The following NAALADL2 variants were observed in gnomAD, a reference collection of about 807,000 sequenced individuals.
The protein encoded by NAALADL2 is N-acetylated alpha-linked acidic dipeptidase like 2, also known as inactive N-acetylated-alpha-linked acidic dipeptidase-like protein 2.
In NAALADL2, 76 loss-of-function variants were observed where a neutral mutation model predicts 87.2. The ratio of observed to expected loss-of-function variants is 0.87; its 90% CI spans 0.72 to 1.05. The LOEUF is 1.05. Among genes scored for constraint, NAALADL2 ranks in the 50% least tolerant of loss-of-function variants. The probability of loss-of-function intolerance (pLI) is 0.00; values close to 1 mark genes in which losing one functional copy is unlikely to be tolerated. For missense variants in NAALADL2, 1,089 were observed against 945.8 expected (o/e 1.15, Z -1.99); for synonymous variants, 354 against 331.0 (o/e 1.07, Z -0.75).
At chr3:174,815,776 G>A (rs1720713752) in intron 3 of NAALADL2, among the ~76,000 whole-genome samples, 1 of 146,756 alleles carries the variant, frequency 6.8e-6, no homozygotes, top group African/African-American at 2.5e-5. Flanking sequence ...ATGCCCTTTT[G>A]TCACTGGGAA....
At chr3:175,585,155 A>C (rs1201020838) in intron 10 of NAALADL2, among the ~76,000 whole-genome samples, 1 of 151,608 alleles carries the variant, frequency 6.6e-6, no homozygotes, top group Non-Finnish European at 1.5e-5. Flanking sequence ...TTATTTATTT[A>C]TTTACTTTAA....
chr3:175,237,198 C>A (rs1746057365), intron 3 of NAALADL2, among the ~76,000 whole-genome samples: 1 of 151,998 alleles, frequency 6.6e-6, no homozygotes, highest in Non-Finnish European at 1.5e-5. Context: ...AAAACTGAGC[C>A]TATTCCCTTT....
intron 12 of NAALADL2, among the ~76,000 whole-genome samples, chr3:175,746,064 T>C (rs1335202199): frequency 6.6e-6 from 1 of 152,200 alleles, no homozygotes; most frequent in African/African-American, 2.4e-5. Flanking sequence ...GTGTGTCTTA[T>C]TGCCACCTCC....
chr3:174,841,289 C>G (rs546671656), intron 3 of NAALADL2, among the ~76,000 whole-genome samples: 1 of 152,184 alleles, frequency 6.6e-6, no homozygotes, highest in African/African-American at 2.4e-5. Context: ...ATGTTCATGT[C>G]TTATTAATGT....
intron 11 of NAALADL2, among the ~76,000 whole-genome samples, chr3:175,717,597 G>A (rs1582998871): frequency 6.6e-6 from 1 of 151,194 alleles, no homozygotes; most frequent in South Asian, 2.1e-4. Flanking sequence ...GGTGTTTAGG[G>A]GGAGCATCAC....
intron 3 of NAALADL2, among the ~76,000 whole-genome samples, chr3:174,854,329 G>A (rs916109900): frequency 6.6e-6 from 1 of 152,130 alleles, no homozygotes; most frequent in South Asian, 2.1e-4. Flanking sequence ...CATACAAAAC[G>A]TAATTTGAAC....
intron 5 of NAALADL2, among the ~76,000 whole-genome samples, chr3:175,324,969 A>G (rs571185865): frequency 1.0e-3 from 153 of 152,298 alleles, no homozygotes; most frequent in Admixed American, 2.2e-3. Flanking sequence ...TGCTCACCGC[A>G]TCATTGAATT....
At chr3:174,752,142 T>G (rs1283353740) in intron 3 of NAALADL2, among the ~76,000 whole-genome samples, 2 of 151,968 alleles carry the variant, frequency 1.3e-5, no homozygotes, top group East Asian at 3.9e-4. Flanking sequence ...CATGCCCGGC[T>G]ATTTTTGTAT....
At chr3:174,936,438 AATAC>A (rs1468369857) in intron 1 of NAALADL2, among the ~76,000 whole-genome samples, 6 of 152,202 alleles carry the variant, frequency 3.9e-5, no homozygotes, top group African/African-American at 1.2e-4. Context: ...TTCTGTACAT[AATAC>A]AGTTAATTTT....
intron 13 of NAALADL2, among the ~76,000 whole-genome samples, chr3:175,795,512 A>C (rs984053180): frequency 1.3e-4 from 17 of 126,544 alleles, no homozygotes; most frequent in Admixed American, 3.1e-4. Flanking sequence ...TCTCTACTAA[A>C]AAATACAAAA....
upstream of NAALADL2, among the ~76,000 whole-genome samples, chr3:174,857,254 A>G (rs1353863565): frequency 2.0e-5 from 3 of 152,212 alleles, no homozygotes; most frequent in African/African-American, 7.2e-5. Flanking sequence ...ACAAAGACCC[A>G]GAAGGAGAAA....
At chr3:174,989,116 T>A (rs551893951) in intron 1 of NAALADL2, among the ~76,000 whole-genome samples, 22 of 152,234 alleles carry the variant, frequency 1.4e-4, no homozygotes, top group Non-Finnish European at 1.9e-4. Flanking sequence ...TAGGAACTAA[T>A]ACAGTGAGAA....
rs1745120374 is a variant in NAALADL2, at chr3:175,232,412, T to A, written c.546-1519T>A. 2.0e-5 allele frequency among the ~76,000 whole-genome samples: 3 copies of A among 152,158 alleles called. No homozygotes were observed. In the South Asian group the frequency reaches 6.2e-4, roughly 31 times the overall value. Reference sequence around the variant, plus strand: ...CCTTTTATCTTGTGTAATGCTTTTTTACCACTATTGTGTCTGCTTCTTATG... The same window carrying A: ...CCTTTTATCTTGTGTAATGCTTTTTAACCACTATTGTGTCTGCTTCTTATG... On this transcript the variant is annotated intron_variant, in intron 2 of 13. Transcript: ENST00000454872.
intron 3 of NAALADL2, among the ~76,000 whole-genome samples, chr3:174,784,797 T>G (rs2109165260): frequency 6.6e-6 from 1 of 152,328 alleles, no homozygotes; most frequent in East Asian, 1.9e-4. Flanking sequence ...TTTTGGAATG[T>G]TTAGTCTCTT....
intron 2 of NAALADL2, among the ~76,000 whole-genome samples, chr3:174,628,011 A>T (rs1721741401): frequency 6.6e-6 from 1 of 152,174 alleles, no homozygotes; most frequent in African/African-American, 2.4e-5. Context: ...CAGGTGATGG[A>T]TGCACTGAAA....
chr3:174,973,189 G>A (rs1443831945), intron 1 of NAALADL2, among the ~76,000 whole-genome samples: 1 of 152,094 alleles, frequency 6.6e-6, no homozygotes, highest in Non-Finnish European at 1.5e-5. Flanking sequence ...GTCCTTTATG[G>A]CATACGTTTT....
rs1176154217 is a variant in NAALADL2, at chr3:175,324,297, C to T, written c.1062C>T (p.Asp354=). Residue 354 remains aspartate (D), a synonymous_variant, in exon 5 of 14, where the codon GAC becomes GAT. Transcript: ENST00000454872. ...TGGTGTCACTGAATCCAGGAGGAGA[C>T]CCTTCTACGCCTGGTTACCCAAGTG... is the stretch of plus-strand genomic sequence containing the variant. The part of the protein sequence containing the change: ...TFMVSLNPGG[D]PSTPGYPSVD... 1.2e-6 allele frequency: 2 copies of T among 1,611,712 alleles called. No homozygotes were observed. Among genetic ancestry groups the T allele is most frequent in the South Asian group, 1.1e-5 (1 of 90,640 alleles).
At chr3:175,192,896 T>TA (rs201110402) in intron 2 of NAALADL2, among the ~76,000 whole-genome samples, 38 of 151,502 alleles carry the variant, frequency 2.5e-4, no homozygotes, top group African/African-American at 6.0e-4. Flanking sequence ...CACAATATGA[T>TA]AAAAAAAACC....
intron 5 of NAALADL2, among the ~76,000 whole-genome samples, chr3:175,408,046 A>G (rs1712733718): frequency 6.6e-6 from 1 of 152,208 alleles, no homozygotes; most frequent in South Asian, 2.1e-4. Flanking sequence ...CGAATACTTT[A>G]TGAGTTCATT....
Sources: gnomAD v4.1 joint callset for allele counts (sites outside exome capture counted in the v4.1 genomes callset) on GRCh38, gnomAD v4.1.1 for gene constraint, MANE v1.5 for transcripts, NCBI Gene and HGNC (gene_info 2026-07-23, HGNC 2026-07-21) for gene names.